ELMO1: variants seen among roughly 807,000 people sequenced by gnomAD.
ELMO1 encodes engulfment and cell motility protein 1.
ELMO1 carries 26 observed loss-of-function variants against 98.9 expected under a neutral mutation model. That is an observed-to-expected ratio of 0.26 (90% CI 0.19 to 0.36). The LOEUF is 0.36. ELMO1 is among the 10% of genes least tolerant of loss of function. ELMO1 has a pLI of 1.00. For synonymous variants in ELMO1, 346 were observed against 346.0 expected (o/e 1.00, Z 0.00); for missense variants, 627 against 935.2 (o/e 0.67, Z 4.30).
intron 16 of ELMO1, among the ~76,000 whole-genome samples, chr7:36,925,393 C>T (rs764952655): frequency 2.2e-4 from 34 of 152,156 alleles, no homozygotes; most frequent in Admixed American, 1.2e-3. Context: ...CTCCCTGTGC[C>T]GTGTCTGGCC....
At chr7:37,407,483 G>A (rs1445743317) in intron 1 of ELMO1, among the ~76,000 whole-genome samples, 1 of 150,678 alleles carries the variant, frequency 6.6e-6, no homozygotes, top group African/African-American at 2.5e-5. Flanking sequence ...ATTCCAGCCT[G>A]GGCGAAAGAG....
chr7:37,128,508 T>C (rs970295667), intron 14 of ELMO1, among the ~76,000 whole-genome samples: 6 of 151,524 alleles, frequency 4.0e-5, no homozygotes, highest in Non-Finnish European at 7.4e-5. Flanking sequence ...ATACTCAGAT[T>C]TGCAATTCCT....
At chr7:36,952,584 G>C (rs1459329498) in intron 16 of ELMO1, among the ~76,000 whole-genome samples, 1 of 152,136 alleles carries the variant, frequency 6.6e-6, no homozygotes. Context: ...TCTTATGAAA[G>C]GGACGGGATA....
intron 4 of ELMO1, among the ~76,000 whole-genome samples, chr7:37,276,133 G>A (rs1241983505): frequency 6.6e-6 from 1 of 152,146 alleles, no homozygotes; most frequent in Non-Finnish European, 1.5e-5. Flanking sequence ...GCTTTCTCAT[G>A]TCCCCGGCTT....
intron 13 of ELMO1, among the ~76,000 whole-genome samples, chr7:37,196,461 G>T (rs1381049395): frequency 6.6e-6 from 1 of 152,184 alleles, no homozygotes; most frequent in Non-Finnish European, 1.5e-5. Flanking sequence ...CTCTGTGCAT[G>T]TTCCCTTAAG....
At chr7:37,024,319 T>G (rs1408996220) in intron 15 of ELMO1, among the ~76,000 whole-genome samples, 1 of 152,204 alleles carries the variant, frequency 6.6e-6, no homozygotes, top group East Asian at 1.9e-4. Flanking sequence ...CACAACGCTT[T>G]GTAGACTGCA....
In ELMO1 at chr7:36,955,217, T is replaced by C. The variant is rs1788344163; in HGVS notation, c.1437+58082A>G. On this transcript the variant is annotated intron_variant, in intron 16 of 21. Transcript: ENST00000310758. ...GCTCCTAACTGGTCACACCAGGAAA[T>C]AAACCCTCCTCTCAGCTCAAATCTT... 2.6e-5 allele frequency among the ~76,000 whole-genome samples: 4 copies of C among 152,028 alleles called. No homozygotes were observed. In the South Asian group the frequency reaches 8.3e-4, roughly 32 times the overall value.
chr7:36,919,465 C>T (rs551128024), intron 16 of ELMO1: 3 of 499,904 alleles, frequency 6.0e-6, no homozygotes, highest in South Asian at 4.4e-5. Flanking sequence ...GCTTTGGGGT[C>T]ACAGAACTCT....
chr7:37,133,965 T>C (rs1372130892), intron 13 of ELMO1, among the ~76,000 whole-genome samples: 1 of 152,054 alleles, frequency 6.6e-6, no homozygotes, highest in African/African-American at 2.4e-5. Context: ...AGGACATGAA[T>C]AGACATTTTT....
rs1353878827 is a variant in ELMO1 at position 37,095,244 on chromosome 7, A to G, written c.1300+1375T>C. On this transcript the variant is annotated intron_variant, in intron 15 of 21. Transcript: ENST00000310758. Reference sequence around the variant, plus strand: ...GTTTTCCAGCCAGCAACTTTCACCAATTTCCCCCATGAAATTGAGATAAAC... The same window carrying G: ...GTTTTCCAGCCAGCAACTTTCACCAGTTTCCCCCATGAAATTGAGATAAAC... Among the ~76,000 whole-genome samples, 6 of 152,164 alleles carry G rather than the reference A, an allele frequency of 3.9e-5. No homozygotes were observed. In the East Asian group the frequency reaches 5.8e-4, roughly 15 times the overall value.
chr7:37,181,344 C>T (rs139193413), intron 13 of ELMO1, among the ~76,000 whole-genome samples: 1 of 152,018 alleles, frequency 6.6e-6, no homozygotes, highest in Non-Finnish European at 1.5e-5. Flanking sequence ...AGGATGCCCG[C>T]CTCATCCCTG....
chr7:37,354,595 C>T (rs1403745037), intron 1 of ELMO1, among the ~76,000 whole-genome samples: 2 of 152,202 alleles, frequency 1.3e-5, no homozygotes, highest in East Asian at 3.9e-4. Context: ...ATTTTGCAAA[C>T]TAATGCACAC....
At chr7:37,124,263 T>A (rs1216669363) in intron 14 of ELMO1, among the ~76,000 whole-genome samples, 1 of 152,182 alleles carries the variant, frequency 6.6e-6, no homozygotes, top group Non-Finnish European at 1.5e-5. Flanking sequence ...CTATTCAACA[T>A]AGTGTTGGAA....
At chr7:36,886,816 G>T (rs960480821) in intron 18 of ELMO1, among the ~76,000 whole-genome samples, 8 of 152,194 alleles carry the variant, frequency 5.3e-5, no homozygotes, top group African/African-American at 1.9e-4. Flanking sequence ...GACATTTTGA[G>T]GTTAGAATTT....
intron 14 of ELMO1, among the ~76,000 whole-genome samples, chr7:37,103,015 A>C (rs1292684666): frequency 6.6e-6 from 1 of 152,182 alleles, no homozygotes; most frequent in Non-Finnish European, 1.5e-5. Flanking sequence ...CCTTAACCTC[A>C]GTTTTCTCCA....
At chr7:37,108,768 G>A (rs889365794) in intron 14 of ELMO1, among the ~76,000 whole-genome samples, 1 of 152,324 alleles carries the variant, frequency 6.6e-6, no homozygotes, top group African/African-American at 2.4e-5. Context: ...CAGTAATGAA[G>A]CAGTTATTGA....
intron 19 of ELMO1, among the ~76,000 whole-genome samples, chr7:36,871,957 T>G (rs530193293): frequency 6.6e-6 from 1 of 152,288 alleles, no homozygotes; most frequent in South Asian, 2.1e-4. Context: ...TCCAGGAATC[T>G]CTGTAGGTTC....
At chr7:37,223,761 C>T (rs1468377885) in intron 9 of ELMO1, among the ~76,000 whole-genome samples, 1 of 152,160 alleles carries the variant, frequency 6.6e-6, no homozygotes, top group Non-Finnish European at 1.5e-5. Context: ...ATCACGGAGG[C>T]CACCACAATC....
At chr7:37,151,866 G>C (rs1474209950) in intron 13 of ELMO1, among the ~76,000 whole-genome samples, 1 of 152,104 alleles carries the variant, frequency 6.6e-6, no homozygotes, top group Non-Finnish European at 1.5e-5. Flanking sequence ...TCTGTCAAGG[G>C]TCAGGAGCAA....
Sources: allele counts gnomAD v4.1 joint callset (sites outside exome capture counted in the v4.1 genomes callset), GRCh38; gene constraint gnomAD v4.1.1; transcripts MANE v1.5; gene names NCBI Gene and HGNC (gene_info 2026-07-23, HGNC 2026-07-21).